Variants in ARFGEF3 observed in about 807,000 individuals in gnomAD.
The protein encoded by ARFGEF3 is ARFGEF family member 3.
In ARFGEF3, 96 loss-of-function variants were observed where a neutral mutation model predicts 221.7. That is an observed-to-expected ratio of 0.43 (90% CI 0.37 to 0.51). ARFGEF3 has a LOEUF of 0.51. Ranked by LOEUF, ARFGEF3 falls within the 20% of genes least tolerant of loss-of-function variation. The pLI is 0.00. For missense variants in ARFGEF3, 2,410 were observed against 2,789.9 expected (o/e 0.86, Z 3.07); for synonymous variants, 1,145 against 1,126.8 (o/e 1.02, Z -0.32).
At chr6:138,317,449 G>T (rs1473889562) in intron 27 of ARFGEF3, 70 bp downstream of exon 27, 3 of 1,571,752 alleles carry the variant, frequency 1.9e-6, no homozygotes, top group South Asian at 1.1e-5. Flanking sequence ...GGGTATTTCT[G>T]CAGGTGTCTG....
chr6:138,217,303 A>G (rs1414327326), intron 4 of ARFGEF3: 4 of 152,244 alleles, frequency 2.6e-5, no homozygotes, highest in African/African-American at 9.6e-5. Flanking sequence ...ATAGATCCAA[A>G]CAGAATGGGA....
At chr6:138,333,825 T>C (rs1231977072) in intron 32 of ARFGEF3, 145 bp from the exon 33 acceptor site, 3 of 905,158 alleles carry the variant, frequency 3.3e-6, no homozygotes, top group Non-Finnish European at 4.9e-6. Flanking sequence ...AAAGTATGCC[T>C]TCTTTCATGG....
chr6:138,195,279 C>T (rs1777393558), intron 2 of ARFGEF3, among the ~76,000 whole-genome samples: 1 of 152,046 alleles, frequency 6.6e-6, no homozygotes, highest in Admixed American at 6.6e-5. Flanking sequence ...GCCAGGATTA[C>T]AGGTGTGAGC....
At position 138,334,591 on chromosome 6, in the gene ARFGEF3, C is replaced by T. The variant is rs1037058059; in HGVS notation, c.5745C>T (p.Tyr1915=). Reference sequence around the variant, plus strand: ...TGTGCATGGAACTGTGCAACAACTACATCCAGATGCACTTGGACCTGGAGA... The same window carrying T: ...TGTGCATGGAACTGTGCAACAACTATATCCAGATGCACTTGGACCTGGAGA... ...HKLCMELCNN[Y]IQMHLDLENC... Residue 1915 remains tyrosine, a synonymous_variant, in exon 33 of 34, where the codon TAC becomes TAT. Transcript: ENST00000251691. This position sits in a 1 kb window ranked among gnomAD's most constrained non-coding sequence, Gnocchi z 5.1. 3 of 1,613,722 alleles carry T rather than the reference C, an allele frequency of 1.9e-6. No homozygotes were observed. Among genetic ancestry groups the T allele is most frequent in the Non-Finnish European group, 2.5e-6 (3 of 1,179,890 alleles).
chr6:138,181,525 C>T (rs1777078771), intron 2 of ARFGEF3, among the ~76,000 whole-genome samples: 1 of 152,170 alleles, frequency 6.6e-6, no homozygotes, highest in South Asian at 2.1e-4. Context: ...CTCACTGCAA[C>T]CTCTGTCTCC....
intron 22 of ARFGEF3, among the ~76,000 whole-genome samples, chr6:138,300,422 T>C (rs1310561588): frequency 2.0e-5 from 3 of 152,148 alleles, no homozygotes; most frequent in East Asian, 3.9e-4. Flanking sequence ...TCAGATCAAC[T>C]TTCTCACAGG....
At chr6:138,185,973 A>G (rs1367376940) in intron 2 of ARFGEF3, among the ~76,000 whole-genome samples, 1 of 152,228 alleles carries the variant, frequency 6.6e-6, no homozygotes, top group Non-Finnish European at 1.5e-5. Context: ...TGATAAGGGC[A>G]CTGAGGCTTG....
intron 14 of ARFGEF3, among the ~76,000 whole-genome samples, chr6:138,283,421 A>G (rs1007195177): frequency 1.3e-5 from 2 of 152,252 alleles, no homozygotes; most frequent in African/African-American, 4.8e-5. Context: ...CTCAATTGCT[A>G]TGTCCATAGG....
Position 138,307,594 on chromosome 6 carries a change from C to T in ARFGEF3, c.3973+197C>T, listed in dbSNP as rs1314964215. 2.0e-5 allele frequency among the ~76,000 whole-genome samples: 3 copies of T among 152,216 alleles called. No individual in the cohort carries two copies. The East Asian group carries it at 5.8e-4, about 29-fold the overall frequency. ...TGAGAGCCCTGAGCATTGTCAGGCC[C>T]TGTTCTTGCTGACAATTGGACAATA... On this transcript the variant is annotated intron_variant, in intron 23 of 33. Transcript: ENST00000251691.
chr6:138,198,830 A>C (rs1332701412), intron 2 of ARFGEF3, among the ~76,000 whole-genome samples: 1 of 152,276 alleles, frequency 6.6e-6, no homozygotes, highest in Non-Finnish European at 1.5e-5. Context: ...CCCCATTCTT[A>C]ACATAGTGGA....
chr6:138,234,502 T>G (rs11154967), intron 5 of ARFGEF3, among the ~76,000 whole-genome samples: 13 of 146,796 alleles, frequency 8.9e-5, no homozygotes, highest in East Asian at 4.2e-4. Flanking sequence ...GTGTGTGTGG[T>G]GTGTGTTTGC....
intron 12 of ARFGEF3, among the ~76,000 whole-genome samples, chr6:138,271,608 G>A (rs1359528973): frequency 6.6e-6 from 1 of 152,158 alleles, no homozygotes; most frequent in East Asian, 1.9e-4. Context: ...GTCATCCAAG[G>A]TATGTACATA....
chr6:138,231,345 C>A (rs1170880619), intron 5 of ARFGEF3, among the ~76,000 whole-genome samples: 1 of 151,958 alleles, frequency 6.6e-6, no homozygotes, highest in African/African-American at 2.4e-5. Context: ...AGCCAAAGAA[C>A]AATATAATGA....
In ARFGEF3 at chr6:138,237,780, C is replaced by G. The variant is rs77409314; in HGVS notation, c.421-729C>G. Among the ~76,000 whole-genome samples the G allele has an allele frequency of 1.0e-3, 156 of 152,208 alleles. 2 individuals are homozygous for G. The highest frequency in any genetic ancestry group is 3.5e-3 in the African/African-American group (144 of 41,532). The stretch of plus-strand genomic sequence containing the variant: ...GAGCCATCTCGGTGAGTGCAGTCAC[C>G]TTGGTCTAGAAGCCCCATGTCCCAA... On this transcript the variant is annotated intron_variant, in intron 5 of 33. Transcript: ENST00000251691.
chr6:138,307,440 C>G, intron 23 of ARFGEF3, 43 bp downstream of exon 23: 2 of 1,569,126 alleles, frequency 1.3e-6, no homozygotes, highest in Non-Finnish European at 1.7e-6. Flanking sequence ...CATTAATTCT[C>G]TGTGCCAAGT....
At chr6:138,182,613 C>G (rs117329184) in intron 2 of ARFGEF3, among the ~76,000 whole-genome samples, 2,064 of 152,274 alleles carry the variant, frequency 0.014, 32 homozygotes, top group Middle Eastern at 0.058. Flanking sequence ...TTACCTCTCT[C>G]TAAGGAAGAA....
intron 26 of ARFGEF3, 104 bp from the exon 27 acceptor site, chr6:138,317,147 C>A: frequency 8.2e-7 from 1 of 1,213,222 alleles, no homozygotes; most frequent in South Asian, 1.5e-5. Context: ...TGGCTCACGT[C>A]TGTATAGCAC....
intron 12 of ARFGEF3, among the ~76,000 whole-genome samples, chr6:138,264,919 T>C (rs970093334): frequency 6.6e-6 from 1 of 151,212 alleles, no homozygotes; most frequent in Non-Finnish European, 1.5e-5. Flanking sequence ...TTTTTTTTTT[T>C]CTGAGAGAAA....
At chr6:138,209,681 C>T (rs1777685014) in intron 3 of ARFGEF3, among the ~76,000 whole-genome samples, 1 of 152,188 alleles carries the variant, frequency 6.6e-6, no homozygotes. Context: ...AACCCCTGAC[C>T]TCATGACCCG....
Sources: gnomAD v4.1 joint callset for allele counts (sites outside exome capture counted in the v4.1 genomes callset) on GRCh38, gnomAD v4.1.1 for gene constraint, Gnocchi (gnomAD v3.1) non-coding constraint, MANE v1.5 for transcripts, NCBI Gene and HGNC (gene_info 2026-07-23, HGNC 2026-07-21) for gene names.